Variants in QTMAN observed in about 807,000 individuals in gnomAD.
The protein encoded by QTMAN is queuosine-tRNA mannosyltransferase, also known as tRNA-queuosine alpha-mannosyltransferase.
the QTMAN span, among the ~76,000 whole-genome samples, chr2:143,950,531 G>A: frequency 6.6e-6 from 1 of 151,494 alleles, no homozygotes; most frequent in Non-Finnish European, 1.5e-5. Flanking sequence ...AAATTTTGAT[G>A]GTGGAAACAC....
chr2:144,017,304 A>T, the QTMAN span, among the ~76,000 whole-genome samples: 1 of 152,160 alleles, frequency 6.6e-6, no homozygotes, highest in Non-Finnish European at 1.5e-5. Context: ...TGCCTGGCCC[A>T]AATGTTACTT....
the QTMAN span, among the ~76,000 whole-genome samples, chr2:144,103,187 C>T: frequency 6.6e-6 from 1 of 152,134 alleles, no homozygotes; most frequent in South Asian, 2.1e-4. Context: ...TGATAGGTTC[C>T]CCATTGGACA....
chr2:144,248,060 C>CA, the QTMAN span, among the ~76,000 whole-genome samples: 6 of 152,152 alleles, frequency 3.9e-5, no homozygotes, highest in African/African-American at 1.4e-4. Context: ...ATTACTTTGG[C>CA]AAAATAAGTT....
chr2:144,303,815 C>T, the QTMAN span, among the ~76,000 whole-genome samples: 1 of 152,086 alleles, frequency 6.6e-6, no homozygotes, highest in East Asian at 1.9e-4. Context: ...ACTATGATCC[C>T]TAAAAGAAAG....
At chr2:143,975,235 C>T in the QTMAN span, among the ~76,000 whole-genome samples, 1 of 152,200 alleles carries the variant, frequency 6.6e-6, no homozygotes, top group Admixed American at 6.5e-5. Context: ...TAAATTTCTT[C>T]TTATTCGTCA....
chr2:143,941,676 C>CA, the QTMAN span: 2,881 of 100,340 alleles, frequency 0.029, 32 homozygotes, highest in Middle Eastern at 0.071. Flanking sequence ...CTCTCTCTCT[C>CA]AAAAAAAAAA....
At chr2:144,174,464 T>C in the QTMAN span, among the ~76,000 whole-genome samples, 5 of 152,208 alleles carry the variant, frequency 3.3e-5, no homozygotes, top group Admixed American at 3.3e-4. Context: ...TTTGTCTGTT[T>C]CAGATGAAAA....
At chr2:144,182,785 T>TTTTA in the QTMAN span, among the ~76,000 whole-genome samples, 5 of 64,630 alleles carry the variant, frequency 7.7e-5, no homozygotes, top group African/African-American at 1.1e-4. Flanking sequence ...ATCAGGTACA[T>TTTTA]TATATATATA....
chr2:144,047,167 A>G, the QTMAN span, among the ~76,000 whole-genome samples: 2 of 152,156 alleles, frequency 1.3e-5, no homozygotes, highest in African/African-American at 4.8e-5. Flanking sequence ...GCTACTCAGG[A>G]GGCTGAGGCA....
the QTMAN span, among the ~76,000 whole-genome samples, chr2:144,275,321 T>C: frequency 6.6e-6 from 1 of 151,190 alleles, no homozygotes; most frequent in Non-Finnish European, 1.5e-5. Flanking sequence ...GAGGTGGAGG[T>C]TGCAGTAAGC....
At chr2:144,234,194 C>G in the QTMAN span, among the ~76,000 whole-genome samples, 1 of 151,874 alleles carries the variant, frequency 6.6e-6, no homozygotes, top group Non-Finnish European at 1.5e-5. Flanking sequence ...AGAATTAAAC[C>G]ACAAATCATC....
At chr2:144,114,611 G>C in the QTMAN span, among the ~76,000 whole-genome samples, 95 of 152,212 alleles carry the variant, frequency 6.2e-4, no homozygotes, top group African/African-American at 2.3e-3. Flanking sequence ...TTAACTCTCA[G>C]GAGAAATTTC....
At chr2:144,030,831 C>T in the QTMAN span, among the ~76,000 whole-genome samples, 2 of 152,094 alleles carry the variant, frequency 1.3e-5, no homozygotes, top group Non-Finnish European at 2.9e-5. Flanking sequence ...TGGGAGTATT[C>T]TCAGACCTGC....
At chr2:143,964,388 C>T in the QTMAN span, among the ~76,000 whole-genome samples, 1 of 152,142 alleles carries the variant, frequency 6.6e-6, no homozygotes, top group African/African-American at 2.4e-5. Context: ...ACATTAACTT[C>T]ATCTCAATGT....
At chr2:144,132,574 T>C in the QTMAN span, among the ~76,000 whole-genome samples, 2 of 152,092 alleles carry the variant, frequency 1.3e-5, no homozygotes, top group East Asian at 1.9e-4. Context: ...TGACCTTTCA[T>C]GTCACATGAC....
chr2:144,283,384 G>A, the QTMAN span, among the ~76,000 whole-genome samples: 1 of 152,144 alleles, frequency 6.6e-6, no homozygotes, highest in Admixed American at 6.5e-5. Flanking sequence ...GATGACCAGA[G>A]GTGAAGTATT....
the QTMAN span, chr2:144,011,643 A>C: frequency 6.5e-6 from 5 of 770,906 alleles, no homozygotes; most frequent in African/African-American, 7.5e-5. Context: ...ATGCTAGTAA[A>C]AAAAAAAAAA....
chr2:144,268,797 A>T, the QTMAN span, among the ~76,000 whole-genome samples: 2,229 of 150,768 alleles, frequency 0.015, 22 homozygotes, highest in Non-Finnish European at 0.024. Flanking sequence ...CCAAATTTCC[A>T]TTTTTTTTTG....
the QTMAN span, among the ~76,000 whole-genome samples, chr2:143,953,987 A>G: frequency 6.6e-6 from 1 of 151,996 alleles, no homozygotes; most frequent in Admixed American, 6.6e-5. Flanking sequence ...ATTTTGGAAA[A>G]ATACTTAGTT....
Sources: gnomAD v4.1 joint callset for allele counts (sites outside exome capture counted in the v4.1 genomes callset) on GRCh38, gnomAD v4.1.1 for gene constraint, MANE v1.5 for transcripts, NCBI Gene and HGNC (gene_info 2026-07-23, HGNC 2026-07-21) for gene names.